UBE3C: variants seen among roughly 807,000 people sequenced by gnomAD.
UBE3C encodes the protein ubiquitin-protein ligase E3C.
UBE3C carries 42 observed loss-of-function variants against 129.4 expected under a neutral mutation model. That is an observed-to-expected ratio of 0.32 (90% confidence interval 0.25 to 0.42). The LOEUF (loss-of-function observed/expected upper bound fraction) is 0.42. Among genes scored for constraint, UBE3C ranks in the 10% least tolerant of loss-of-function variants. UBE3C has a pLI of 1.00. For missense variants in UBE3C, 1,049 were observed against 1,319.1 expected, an observed-to-expected ratio of 0.80 and a Z score of 3.17; for synonymous variants, 510 against 492.4, an observed-to-expected ratio of 1.04 and a Z score of -0.47.
At position 157,201,796 on chromosome 7, in the gene UBE3C, G is replaced by C; in HGVS notation, c.1407G>C (p.Arg469=). The change falls in exon 11 of 23, where the codon CGG becomes CGC. Residue 469 remains arginine, a synonymous_variant. Transcript: ENST00000348165. ...TTCTAATATCTTCCATGTCAACACG[G>C]ATGATCACAGGGTATGTATTATACA... The part of the protein sequence containing the change: ...LWFLISSMST[R]MITGSMVPLL... 10 of 1,610,844 alleles carry C rather than the reference G, an allele frequency of 6.2e-6. No homozygotes were observed. The highest frequency in any genetic ancestry group is 5.3e-5 in the African/African-American group (4 of 74,836).
chr7:157,230,782 G>A (rs923202954), intron 17 of UBE3C, among the ~76,000 whole-genome samples: 1 of 151,424 alleles, frequency 6.6e-6, no homozygotes, highest in Non-Finnish European at 1.5e-5. Context: ...GAGCCACATC[G>A]GCCTGTGGGC....
At chr7:157,261,339 A>AAAT (rs71189991) in intron 22 of UBE3C, among the ~76,000 whole-genome samples, 1 of 102,096 alleles carries the variant, frequency 9.8e-6, no homozygotes, top group East Asian at 3.1e-4. Flanking sequence ...AAAAAAAAAA[A>AAAT]TCCCAAATAG....
At chr7:157,241,912 C>T (rs999575779) in intron 18 of UBE3C, among the ~76,000 whole-genome samples, 29 of 152,260 alleles carry the variant, frequency 1.9e-4, no homozygotes, top group African/African-American at 6.7e-4. Flanking sequence ...ATGCAGAGAT[C>T]ACCAAAGACA....
At chr7:157,192,919 CT>C (rs1017462882) in intron 10 of UBE3C, 1 of 668,370 alleles carries the variant, frequency 1.5e-6, no homozygotes, top group Non-Finnish European at 2.6e-6. Context: ...GTGAATGCCA[CT>C]TTCCCCCATT....
intron 10 of UBE3C, among the ~76,000 whole-genome samples, chr7:157,201,462 A>T (rs936507747): frequency 3.9e-4 from 50 of 126,822 alleles, no homozygotes; most frequent in African/African-American, 1.3e-3. Flanking sequence ...CTTTTGGGGT[A>T]GGTCTCACAG....
chr7:157,155,546 C>G (rs192324021), intron 1 of UBE3C, among the ~76,000 whole-genome samples: 6 of 152,158 alleles, frequency 3.9e-5, no homozygotes, highest in African/African-American at 1.4e-4. Flanking sequence ...GACATTCACT[C>G]TAGTTTTTTA....
At chr7:157,201,468 C>T (rs1180050795) in intron 10 of UBE3C, among the ~76,000 whole-genome samples, 1 of 145,284 alleles carries the variant, frequency 6.9e-6, no homozygotes, top group Non-Finnish European at 1.5e-5. Flanking sequence ...GGGTAGGTCT[C>T]ACAGCCACAG....
chr7:157,242,794 A>T (rs756019628), intron 18 of UBE3C, among the ~76,000 whole-genome samples: 16 of 152,180 alleles, frequency 1.1e-4, no homozygotes, highest in South Asian at 2.1e-4. Flanking sequence ...TGGTGGCTCA[A>T]GCCTGTAATC....
intron 2 of UBE3C, among the ~76,000 whole-genome samples, chr7:157,168,626 T>C (rs1808282165): frequency 6.6e-6 from 1 of 152,234 alleles, no homozygotes; most frequent in African/African-American, 2.4e-5. Context: ...TAAAAAGGAA[T>C]GAAGTTCTCA....
At chr7:157,159,692 A>G (rs1028177396) in intron 1 of UBE3C, among the ~76,000 whole-genome samples, 2 of 152,164 alleles carry the variant, frequency 1.3e-5, no homozygotes, top group African/African-American at 4.8e-5. Context: ...ACATGGTGAA[A>G]CCTTGTCTCT....
intron 1 of UBE3C, among the ~76,000 whole-genome samples, chr7:157,155,026 G>GCATC (rs1807863414): frequency 3.3e-5 from 5 of 151,982 alleles, no homozygotes; most frequent in Admixed American, 2.6e-4. Context: ...ACTTTCTTTT[G>GCATC]AACTTGCATC....
chr7:157,168,912 G>T, intron 2 of UBE3C, 136 bp from the exon 3 acceptor site: 1 of 637,612 alleles, frequency 1.6e-6, no homozygotes. Flanking sequence ...TATTTAGTGG[G>T]TGTTACCTTT....
In UBE3C at chr7:157,174,978, A is replaced by G. The variant is rs1808476411; in HGVS notation, c.402A>G (p.Gly134=). The G allele has an allele frequency of 6.2e-7, 1 of 1,613,052 alleles. No individual in the cohort carries two copies. ...HSSLFVKQLD[G]SERLTCLFQI... ...CTCTGTTTGTCAAGCAGTTGGATGGATCTGAGAGACTTACATGCTTATTTC... is the reference window on the plus strand; with the variant it reads ...CTCTGTTTGTCAAGCAGTTGGATGGGTCTGAGAGACTTACATGCTTATTTC... Residue 134 remains glycine (G), a synonymous_variant, in exon 5 of 23, where the codon GGA becomes GGG. Coordinates refer to ENST00000348165, the MANE Select transcript of UBE3C (RefSeq NM_014671.3).
intron 4 of UBE3C, among the ~76,000 whole-genome samples, chr7:157,172,028 T>TTC (rs1808392244): frequency 2.2e-5 from 1 of 45,202 alleles, no homozygotes. Flanking sequence ...GCTATTTATC[T>TTC]TTTTTTTTTT....
At chr7:157,209,200 C>T (rs1809521563) in intron 13 of UBE3C, among the ~76,000 whole-genome samples, 1 of 152,170 alleles carries the variant, frequency 6.6e-6, no homozygotes, top group Non-Finnish European at 1.5e-5. Context: ...CTTATTCATC[C>T]TCCAAGTCCA....
At chr7:157,194,027 A>T (rs1342469256) in intron 10 of UBE3C, among the ~76,000 whole-genome samples, 2 of 152,216 alleles carry the variant, frequency 1.3e-5, no homozygotes, top group Non-Finnish European at 2.9e-5. Context: ...ATAATTTTAC[A>T]AGGTTTGGTT....
chr7:157,256,703 C>T, intron 21 of UBE3C: 1 of 524,828 alleles, frequency 1.9e-6, no homozygotes, highest in East Asian at 3.2e-5. Flanking sequence ...ATTTACACAG[C>T]CTCGGCATGA....
At chr7:157,178,231 T>C (rs2116911378) in intron 5 of UBE3C, among the ~76,000 whole-genome samples, 1 of 152,262 alleles carries the variant, frequency 6.6e-6, no homozygotes, top group Non-Finnish European at 1.5e-5. Flanking sequence ...AAATGAGAGT[T>C]GACTTAGGAC....
chr7:157,192,591 G>A (rs1445517044), intron 10 of UBE3C: 1 of 765,418 alleles, frequency 1.3e-6, no homozygotes, highest in African/African-American at 1.7e-5. Context: ...ACTTCGTGGT[G>A]GTGCTAAGAA....
Sources: allele counts gnomAD v4.1 joint callset (sites outside exome capture counted in the v4.1 genomes callset), GRCh38; gene constraint gnomAD v4.1.1; transcripts MANE v1.5; gene names NCBI Gene and HGNC (gene_info 2026-07-23, HGNC 2026-07-21).